Variants in USP7 observed in about 807,000 individuals in gnomAD.
USP7 encodes ubiquitin specific peptidase 7.
In USP7, 9 loss-of-function variants were observed where a neutral mutation model predicts 162.9. That is an observed-to-expected ratio of 0.06 (90% CI 0.03 to 0.10). The LOEUF (loss-of-function observed/expected upper bound fraction) is 0.10, where lower values mean the gene tolerates loss of function less well. USP7 is among the 10% of genes least tolerant of loss of function. USP7 has a pLI of 1.00. For synonymous variants in USP7, 562 were observed against 475.9 expected (o/e 1.18, Z -2.35); for missense variants, 715 against 1,373.7 (o/e 0.52, Z 7.58).
At chr16:8,962,197 T>A (rs1029761961) in intron 1 of USP7, among the ~76,000 whole-genome samples, 2 of 152,204 alleles carry the variant, frequency 1.3e-5, no homozygotes, top group Non-Finnish European at 2.9e-5. Context: ...AAAGCAAAAC[T>A]AAAGCATTCC....
At position 8,919,171 on chromosome 16, in the gene USP7, T is replaced by A. The variant is rs1312670905; in HGVS notation, c.612-32A>T. ...GATCAGTTCAAGGTTGAGGGGATCTTGCAGATACCCCATTGCTCCTGCAGT... is the reference window on the plus strand; with the variant it reads ...GATCAGTTCAAGGTTGAGGGGATCTAGCAGATACCCCATTGCTCCTGCAGT... On this transcript the variant is annotated intron_variant, in intron 5 of 30. Transcript: ENST00000344836. 2.5e-6 allele frequency: 4 copies of A among 1,600,672 alleles called. No individual in the cohort carries two copies. The African/African-American group carries it at 5.4e-5, about 21-fold the overall frequency.
At chr16:8,917,341 G>C (rs1897426382) in intron 6 of USP7, among the ~76,000 whole-genome samples, 185 bp from the exon 7 acceptor site, 1 of 152,282 alleles carries the variant, frequency 6.6e-6, no homozygotes, top group Middle Eastern at 3.4e-3. Flanking sequence ...AACGTCTTTA[G>C]GGATACTGGA....
At chr16:8,912,497 C>A (rs568500837) in intron 10 of USP7, among the ~76,000 whole-genome samples, 1 of 149,724 alleles carries the variant, frequency 6.7e-6, no homozygotes, top group African/African-American at 2.4e-5. Context: ...ACCAAGCATG[C>A]AAAGAAGCTG....
chr16:8,919,821 G>C (rs1170448195), intron 5 of USP7, among the ~76,000 whole-genome samples: 3 of 152,036 alleles, frequency 2.0e-5, no homozygotes, highest in African/African-American at 7.2e-5. Context: ...GACCAGTGCT[G>C]GGGGAGACAC....
rs1490215928 is a variant in USP7, at chr16:8,915,623, T to TATCAA, written c.907-99_907-98insTTGAT. 2.5e-4 allele frequency: 269 copies of TATCAA among 1,060,716 alleles called. 3 individuals are homozygous for TATCAA. In the East Asian group the frequency reaches 6.5e-3, roughly 25 times the overall value. The allele number at this position is 1,060,716 out of a possible 1,614,324, so 65.7% of individuals were successfully genotyped here. On this transcript the variant is annotated intron_variant, in intron 8 of 30. Coordinates refer to ENST00000344836, the MANE Select transcript of USP7 (RefSeq NM_003470.3). ...CTAGAAATATCAATGTTCAAAGAAG[T>TATCAA]TGTAGACTATAAAAATATGACCTCT...
intron 27 of USP7, 95 bp downstream of exon 27, chr16:8,895,547 A>G: frequency 9.3e-7 from 1 of 1,076,970 alleles, no homozygotes; most frequent in Non-Finnish European, 1.4e-6. Context: ...AAAAACACAA[A>G]TCAAGCTACT....
chr16:8,905,008 C>G (rs1432184914), intron 14 of USP7, among the ~76,000 whole-genome samples, 179 bp downstream of exon 14: 2 of 152,106 alleles, frequency 1.3e-5, no homozygotes, highest in Non-Finnish European at 1.5e-5. Flanking sequence ...CATGAAATTA[C>G]TTGGTACCAT....
chr16:8,949,807 T>C (rs561897644), intron 1 of USP7, among the ~76,000 whole-genome samples: 1 of 152,344 alleles, frequency 6.6e-6, no homozygotes, highest in African/African-American at 2.4e-5. Flanking sequence ...CCCCAGGGCC[T>C]GAAGCAGTGA....
chr16:8,897,972 C>G (rs2061715935), intron 25 of USP7, among the ~76,000 whole-genome samples: 1 of 151,824 alleles, frequency 6.6e-6, no homozygotes, highest in Non-Finnish European at 1.5e-5. Context: ...GAGCTGTCTA[C>G]ACTAGCAGCT....
intron 27 of USP7, 45 bp downstream of exon 27, chr16:8,895,597 G>C (rs1238225182): frequency 6.9e-7 from 1 of 1,457,156 alleles, no homozygotes. Flanking sequence ...CAGCAGATGG[G>C]GCTCATGAAT....
chr16:8,931,287 C>T (rs1185659984), intron 1 of USP7, among the ~76,000 whole-genome samples: 1 of 151,706 alleles, frequency 6.6e-6, no homozygotes, highest in Non-Finnish European at 1.5e-5. Flanking sequence ...CTTTCCAGTT[C>T]AAACTATTCT....
chr16:8,919,892 A>T (rs1567224441), intron 5 of USP7, among the ~76,000 whole-genome samples: 1 of 152,132 alleles, frequency 6.6e-6, no homozygotes, highest in Non-Finnish European at 1.5e-5. Flanking sequence ...CCAGCCTTGG[A>T]AACACTCAAA....
chr16:8,949,200 A>T (rs181733324), intron 1 of USP7, among the ~76,000 whole-genome samples: 1 of 152,354 alleles, frequency 6.6e-6, no homozygotes, highest in Non-Finnish European at 1.5e-5. Context: ...CATGATTGTT[A>T]CCGAATTTTA....
chr16:8,906,353 C>T (rs1567214088), intron 13 of USP7, 73 bp downstream of exon 13: 1 of 1,532,604 alleles, frequency 6.5e-7, no homozygotes, highest in East Asian at 2.3e-5. Context: ...GAGTAGGAAC[C>T]AGAACAGGCT....
At position 8,963,851 on chromosome 16, in the gene USP7, C is replaced by T. The variant is rs1900121031; in HGVS notation, c.-566G>A. On this transcript the variant is annotated 5_prime_UTR_variant, in exon 1 of 31. Coordinates refer to ENST00000344836, the MANE Select transcript of USP7 (RefSeq NM_003470.3). ...GTCGTCGGGGCTCCGGCAGCGGACG[C>T]GGCGCCCGGCAGCTCGGCTCGGCTC... 6.8e-6 allele frequency among the ~76,000 whole-genome samples: 1 copy of T among 146,752 alleles called. No individual in the cohort carries two copies. Among genetic ancestry groups the T allele is most frequent in the African/African-American group, 2.4e-5 (1 of 40,866 alleles).
chr16:8,901,926 T>C (rs2061781023), intron 18 of USP7, 156 bp downstream of exon 18: 2 of 670,372 alleles, frequency 3.0e-6, no homozygotes, highest in Admixed American at 2.9e-5. Context: ...AAGTCAGTCT[T>C]ATTTGACTTC....
At chr16:8,935,000 G>A (rs1231702339) in intron 1 of USP7, among the ~76,000 whole-genome samples, 1 of 152,224 alleles carries the variant, frequency 6.6e-6, no homozygotes, top group Non-Finnish European at 1.5e-5. Context: ...ACACACACAA[G>A]AAATCTGTAC....
intron 1 of USP7, among the ~76,000 whole-genome samples, chr16:8,954,917 G>A (rs1161654080): frequency 6.6e-6 from 1 of 152,092 alleles, no homozygotes; most frequent in Non-Finnish European, 1.5e-5. Context: ...CCAAGATCGT[G>A]CCACTGCACT....
Position 8,905,164 on chromosome 16 carries a change from G to C in USP7, c.1573+23C>G, listed in dbSNP as rs201987652. 37 of 1,610,144 alleles carry C rather than the reference G, an allele frequency of 2.3e-5. No individual in the cohort carries two copies. The East Asian group carries it at 7.6e-4, about 33-fold the overall frequency. ...TCCAAGTCCACCACAGTAAAGAACA[G>C]AACAAAAGTGAACACTACTCACTCA... is the stretch of plus-strand genomic sequence containing the variant. On this transcript the variant is annotated intron_variant, in intron 14 of 30. Transcript: ENST00000344836.
Sources: gnomAD v4.1 joint callset for allele counts (sites outside exome capture counted in the v4.1 genomes callset) on GRCh38, gnomAD v4.1.1 for gene constraint, MANE v1.5 for transcripts, NCBI Gene and HGNC (gene_info 2026-07-23, HGNC 2026-07-21) for gene names.